The following EHBP1 variants were observed in gnomAD, a reference collection of about 807,000 sequenced individuals.
EHBP1 encodes EH domain-binding protein 1.
In EHBP1, 55 loss-of-function variants were observed where a neutral mutation model predicts 144.0. That is an observed-to-expected ratio of 0.38 (90% CI 0.31 to 0.48). The LOEUF is 0.48. Among genes scored for constraint, EHBP1 ranks in the 20% least tolerant of loss-of-function variants. The pLI, the probability that EHBP1 is intolerant of heterozygous loss-of-function variation, is 0.98. For missense variants in EHBP1, 1,200 were observed against 1,364.2 expected, an observed-to-expected ratio of 0.88 and a Z score of 1.90; for synonymous variants, 469 against 472.7, an observed-to-expected ratio of 0.99 and a Z score of 0.10.
At chr2:62,744,356 T>G (rs1411995650) in intron 2 of EHBP1, among the ~76,000 whole-genome samples, 1 of 152,066 alleles carries the variant, frequency 6.6e-6, no homozygotes, top group African/African-American at 2.4e-5. Flanking sequence ...CGCTCATAAC[T>G]GTCCTGTCTG....
At chr2:62,913,910 A>C (rs1221711737) in intron 10 of EHBP1, among the ~76,000 whole-genome samples, 1 of 152,186 alleles carries the variant, frequency 6.6e-6, no homozygotes, top group East Asian at 1.9e-4. Context: ...TTCAATGGCA[A>C]ATCAATCAAA....
intron 7 of EHBP1, among the ~76,000 whole-genome samples, chr2:62,848,503 T>C (rs1573694152): frequency 6.6e-6 from 1 of 152,206 alleles, no homozygotes; most frequent in African/African-American, 2.4e-5. Context: ...AGCAATTTAT[T>C]CGTAATAGTC....
chr2:62,674,739 A>G (rs1433441848), intron 1 of EHBP1, among the ~76,000 whole-genome samples: 1 of 152,244 alleles, frequency 6.6e-6, no homozygotes, highest in East Asian at 1.9e-4. Context: ...TATTGTTATC[A>G]GAGAATTTTT....
At chr2:62,731,185 T>A (rs1406012132) in intron 2 of EHBP1, among the ~76,000 whole-genome samples, 1 of 151,708 alleles carries the variant, frequency 6.6e-6, no homozygotes, top group Non-Finnish European at 1.5e-5. Flanking sequence ...TTCCTGTTTT[T>A]AAATTCCAAT....
In EHBP1 at chr2:62,849,698, GTTCA is replaced by G. The variant is rs759649150; in HGVS notation, c.635-9456_635-9453del. ...GATGCAAAGTATTATGACTCATTCG[GTTCA>G]TTCATTCATTCATTTACAACGTACA... On this transcript the variant is annotated intron_variant, in intron 7 of 22. Coordinates refer to ENST00000431489, the MANE Select transcript of EHBP1 (RefSeq NM_001142616.3). Among the ~76,000 whole-genome samples, 54 of 152,220 alleles carry G rather than the reference GTTCA, an allele frequency of 3.5e-4. 2 individuals are homozygous for G. Among genetic ancestry groups the G allele is most frequent in the Non-Finnish European group, 4.9e-4 (33 of 68,000 alleles).
intron 10 of EHBP1, among the ~76,000 whole-genome samples, chr2:62,883,144 C>T (rs2051616731): frequency 6.6e-6 from 1 of 152,072 alleles, no homozygotes; most frequent in Non-Finnish European, 1.5e-5. Flanking sequence ...GTGACACTGC[C>T]AGGATTAAAA....
intron 5 of EHBP1, among the ~76,000 whole-genome samples, chr2:62,798,123 T>C (rs796585321): frequency 1.3e-5 from 2 of 152,180 alleles, no homozygotes; most frequent in South Asian, 2.1e-4. Context: ...TCCTAGCACG[T>C]TGGGAGGCCG....
intron 1 of EHBP1, among the ~76,000 whole-genome samples, chr2:62,688,992 G>A (rs1347152129): frequency 4.6e-5 from 7 of 152,150 alleles, no homozygotes; most frequent in Admixed American, 4.6e-4. Flanking sequence ...AAAACCCCAA[G>A]TAAGAATGTG....
intron 5 of EHBP1, among the ~76,000 whole-genome samples, chr2:62,804,542 A>G (rs1481445853): frequency 6.6e-6 from 1 of 152,252 alleles, no homozygotes; most frequent in South Asian, 2.1e-4. Flanking sequence ...TGGAGAAGAA[A>G]TCACAAAGGA....
chr2:63,029,942 G>T (rs2061162351), intron 19 of EHBP1, among the ~76,000 whole-genome samples: 3 of 151,264 alleles, frequency 2.0e-5, no homozygotes, highest in Admixed American at 2.0e-4. Flanking sequence ...TGTTGGTCAG[G>T]CTGGTCTCAA....
intron 19 of EHBP1, among the ~76,000 whole-genome samples, chr2:63,037,034 T>C (rs993007999): frequency 2.0e-5 from 3 of 151,952 alleles, no homozygotes; most frequent in African/African-American, 7.2e-5. Context: ...TTAGGGATGA[T>C]GAGTTCCAAA....
intron 1 of EHBP1, among the ~76,000 whole-genome samples, chr2:62,675,405 C>G (rs1171447106): frequency 6.6e-6 from 1 of 152,128 alleles, no homozygotes. Flanking sequence ...CCTTGAGGTA[C>G]TCTAGAAAGT....
At chr2:63,038,651 A>AC in intron 20 of EHBP1, 92 bp from the exon 21 acceptor site, 1 of 1,158,252 alleles carries the variant, frequency 8.6e-7, no homozygotes, top group Non-Finnish European at 1.3e-6. Flanking sequence ...AAAGTCAGTT[A>AC]TGAGTCCTAA....
At chr2:62,764,808 T>C (rs1307936191) in intron 4 of EHBP1, among the ~76,000 whole-genome samples, 1 of 152,108 alleles carries the variant, frequency 6.6e-6, no homozygotes, top group Non-Finnish European at 1.5e-5. Context: ...TTGATATTAG[T>C]ATTTATAAGT....
intron 19 of EHBP1, among the ~76,000 whole-genome samples, chr2:63,036,904 C>G (rs1156575602): frequency 2.0e-5 from 3 of 151,724 alleles, no homozygotes; most frequent in Non-Finnish European, 4.4e-5. Context: ...TCACTCTGCT[C>G]ACATGTTTTC....
intron 19 of EHBP1, among the ~76,000 whole-genome samples, chr2:63,004,964 C>G (rs762608059): frequency 6.6e-6 from 1 of 152,042 alleles, no homozygotes; most frequent in Non-Finnish European, 1.5e-5. Context: ...TATTCTGAAG[C>G]AGGTGGTCCA....
intron 8 of EHBP1, 140 bp from the exon 9 acceptor site, chr2:62,864,591 T>C: frequency 2.6e-6 from 2 of 761,760 alleles, no homozygotes; most frequent in Admixed American, 3.1e-5. Context: ...AAATATATTA[T>C]TGTTTTATTA....
At chr2:62,775,509 C>T (rs2152387091) in intron 5 of EHBP1, among the ~76,000 whole-genome samples, 1 of 152,102 alleles carries the variant, frequency 6.6e-6, no homozygotes, top group East Asian at 1.9e-4. Context: ...CTTTTCTTTG[C>T]ACATTGTGTT....
chr2:62,953,186 C>T (rs373470059), intron 13 of EHBP1, among the ~76,000 whole-genome samples: 5 of 143,002 alleles, frequency 3.5e-5, no homozygotes, highest in South Asian at 2.2e-4. Flanking sequence ...CATTGTACTC[C>T]GGCCTGGGCA....
Sources: gnomAD v4.1 joint callset for allele counts (sites outside exome capture counted in the v4.1 genomes callset) on GRCh38, gnomAD v4.1.1 for gene constraint, MANE v1.5 for transcripts, NCBI Gene and HGNC (gene_info 2026-07-23, HGNC 2026-07-21) for gene names.